INSR: variants seen among roughly 807,000 people sequenced by gnomAD.
The protein encoded by INSR is insulin receptor, also known as IR.
In INSR, 67 loss-of-function variants were observed where a neutral mutation model predicts 142.6. That is an observed-to-expected ratio of 0.47 (90% confidence interval 0.39 to 0.58). INSR has a LOEUF of 0.58. Among genes scored for constraint, INSR ranks in the 20% least tolerant of loss-of-function variants. INSR has a pLI of 0.00. For synonymous variants in INSR, 756 were observed against 743.1 expected, an observed-to-expected ratio of 1.02 and a Z score of -0.28; for missense variants, 1,248 against 1,833.2, an observed-to-expected ratio of 0.68 and a Z score of 5.83.
intron 9 of INSR, among the ~76,000 whole-genome samples, chr19:7,153,331 C>CACACACA (rs1186813419): frequency 2.0e-5 from 2 of 100,426 alleles, no homozygotes; most frequent in East Asian, 6.5e-4. Context: ...ACCACACACA[C>CACACACA]CCACGCCACA....
At chr19:7,232,160 A>G (rs1174883645) in intron 2 of INSR, among the ~76,000 whole-genome samples, 2 of 152,052 alleles carry the variant, frequency 1.3e-5, no homozygotes, top group Admixed American at 6.6e-5. Flanking sequence ...ACAGGTGCAT[A>G]TATTTTTTGT....
intron 2 of INSR, among the ~76,000 whole-genome samples, chr19:7,222,630 T>C (rs4804412): frequency 0.96 from 146,717 of 152,082 alleles, 70,909 homozygotes; most frequent in Non-Finnish European, 1. Context: ...TGGCCTCAAG[T>C]GATCCTCCCA....
chr19:7,153,357 AC>A (rs1271287192), intron 9 of INSR, among the ~76,000 whole-genome samples: 16 of 92,940 alleles, frequency 1.7e-4, no homozygotes, highest in East Asian at 1.5e-3. Context: ...CAGACCACAC[AC>A]CACACACCCC....
chr19:7,170,935 T>C (rs544161005), intron 5 of INSR, among the ~76,000 whole-genome samples, 184 bp from the exon 6 acceptor site: 90 of 152,238 alleles, frequency 5.9e-4, no homozygotes, highest in East Asian at 3.7e-3. Context: ...GAAGTTTTCA[T>C]GGCCAGGAAG....
At chr19:7,152,973 A>C (rs777939956) in intron 9 of INSR, 46 bp from the exon 10 acceptor site, 6 of 1,166,200 alleles carry the variant, frequency 5.1e-6, no homozygotes, top group South Asian at 5.1e-5. Context: ...CTGCGGCTGA[A>C]CACACATACA....
intron 2 of INSR, among the ~76,000 whole-genome samples, chr19:7,247,994 T>C (rs1229293769): frequency 6.6e-6 from 1 of 152,110 alleles, no homozygotes; most frequent in East Asian, 1.9e-4. Context: ...GTTGGTTCTA[T>C]ATCACTACCA....
intron 2 of INSR, among the ~76,000 whole-genome samples, chr19:7,206,766 A>G (rs1016432180): frequency 2.6e-5 from 4 of 152,146 alleles, no homozygotes; most frequent in African/African-American, 9.7e-5. Context: ...AACAACGACC[A>G]CAACAAAAAC....
intron 9 of INSR, among the ~76,000 whole-genome samples, chr19:7,156,828 G>A (rs1426539795): frequency 8.8e-6 from 1 of 113,126 alleles, no homozygotes; most frequent in Non-Finnish European, 1.6e-5. Context: ...TTGCTCTGTC[G>A]CCCAGGCTGC....
At chr19:7,211,018 T>C (rs1440015251) in intron 2 of INSR, among the ~76,000 whole-genome samples, 1 of 152,050 alleles carries the variant, frequency 6.6e-6, no homozygotes, top group Non-Finnish European at 1.5e-5. Context: ...AAACTGTTCT[T>C]GATACAATCA....
chr19:7,290,105 A>G (rs950755811), intron 1 of INSR, among the ~76,000 whole-genome samples: 4 of 152,164 alleles, frequency 2.6e-5, no homozygotes, highest in African/African-American at 9.7e-5. Context: ...AGAAGCAAAG[A>G]ATAAGAATAA....
intron 2 of INSR, among the ~76,000 whole-genome samples, chr19:7,229,196 AATGG>A (rs57179051): frequency 4.9e-4 from 71 of 144,524 alleles, no homozygotes; most frequent in East Asian, 1.0e-3. Context: ...TGAGTGGATG[AATGG>A]ATGGATGGAT....
At chr19:7,174,439 A>C in intron 4 of INSR, 144 bp downstream of exon 4, 1 of 872,266 alleles carries the variant, frequency 1.1e-6, no homozygotes, top group South Asian at 1.4e-5. Flanking sequence ...GCATGGTTCT[A>C]TCCATGGGGG....
In INSR at chr19:7,159,887, C is replaced by T. The variant is rs1973704477; in HGVS notation, c.2029+3145G>A. Among the ~76,000 whole-genome samples the T allele has an allele frequency of 6.6e-6, 1 of 152,212 alleles. No homozygotes were observed. Among genetic ancestry groups the T allele is most frequent in the Admixed American group, 6.5e-5 (1 of 15,278 alleles). On this transcript the variant is annotated intron_variant, in intron 9 of 21. Transcript: ENST00000302850. The surrounding 1 kb of genome is among the most constrained non-coding windows in gnomAD (Gnocchi z 4.3). ...AGAGCAAATGTTGAGCTCCTGGCCT[C>T]AGCCACACCTCGCCAGTGGCCCCCT...
At chr19:7,151,751 A>G (rs1443659653) in intron 10 of INSR, among the ~76,000 whole-genome samples, 1 of 152,056 alleles carries the variant, frequency 6.6e-6, no homozygotes, top group African/African-American at 2.4e-5. Context: ...CTGGGAGAAA[A>G]GTCTGCTCGG....
Position 7,267,237 on chromosome 19 carries a change from C to A in INSR, c.652+108G>T. ...CTAGTGAATGCCACCACCCACTATT[C>A]CCCGGCCCCTACCTAATGACCATTT... is the stretch of plus-strand genomic sequence containing the variant. On this transcript the variant is annotated intron_variant, in intron 2 of 21. Transcript: ENST00000302850. The surrounding 1 kb of genome is among the most constrained non-coding windows in gnomAD (Gnocchi z 6.3). 1 of 1,184,804 alleles carries A rather than the reference C, an allele frequency of 8.4e-7. No individual in the cohort carries two copies. The highest frequency in any genetic ancestry group is 1.8e-5 in the Admixed American group (1 of 54,674). 73.4% of individuals were successfully genotyped at this position (1,184,804 alleles called of 1,614,324 possible). A position where few individuals can be genotyped will look rare whatever the true frequency, so the allele number is the denominator to read the frequency against.
chr19:7,141,530 G>A, intron 13 of INSR, 147 bp downstream of exon 13: 4 of 1,133,648 alleles, frequency 3.5e-6, no homozygotes, highest in Non-Finnish European at 5.1e-6. Context: ...GCGAAGTCAG[G>A]TATCAAGGCT....
intron 2 of INSR, among the ~76,000 whole-genome samples, chr19:7,227,993 G>A (rs1272956501): frequency 6.6e-6 from 1 of 152,012 alleles, no homozygotes; most frequent in Non-Finnish European, 1.5e-5. Flanking sequence ...AAAGGGAGGG[G>A]AGGTAAATCA....
chr19:7,116,969 G>C lies in INSR; in HGVS notation c.*87C>G. 1.0e-6 allele frequency: 1 copy of C among 1,003,712 alleles called. No individual in the cohort carries two copies. The highest frequency in any genetic ancestry group is 1.6e-6 in the Non-Finnish European group (1 of 623,260). 62.2% of individuals were successfully genotyped at this position (1,003,712 alleles called of 1,614,324 possible). A position where few individuals can be genotyped will look rare whatever the true frequency, so the allele number is the denominator to read the frequency against. ...GAACTCCATTGGACATGGTAGAGTCGTGAGAATCCTGAGTTTTCCAGAGGC... is the reference window on the plus strand; with the variant it reads ...GAACTCCATTGGACATGGTAGAGTCCTGAGAATCCTGAGTTTTCCAGAGGC... On this transcript the variant is annotated 3_prime_UTR_variant, in exon 22 of 22. Transcript: ENST00000302850.
intron 9 of INSR, among the ~76,000 whole-genome samples, chr19:7,153,496 A>G (rs960920765): frequency 1.5e-4 from 18 of 118,966 alleles, no homozygotes; most frequent in Non-Finnish European, 2.9e-4. Context: ...CACCACACAC[A>G]CACACAGTGA....
Sources: allele counts gnomAD v4.1 joint callset (sites outside exome capture counted in the v4.1 genomes callset), GRCh38; gene constraint gnomAD v4.1.1; non-coding constraint Gnocchi (gnomAD v3.1); transcripts MANE v1.5; gene names NCBI Gene and HGNC (gene_info 2026-07-23, HGNC 2026-07-21).